Variants in UGT8 observed in about 807,000 individuals in gnomAD.
UGT8 encodes the protein 2-hydroxyacylsphingosine 1-beta-galactosyltransferase.
Under a neutral mutation model 40.5 loss-of-function variants are expected in UGT8, and 12 were observed. The ratio of observed to expected loss-of-function variants is 0.30; its 90% CI spans 0.19 to 0.48. The LOEUF (loss-of-function observed/expected upper bound fraction) is 0.48, where lower values mean the gene tolerates loss of function less well. Ranked by LOEUF, UGT8 falls within the 20% of genes least tolerant of loss-of-function variation. The probability of loss-of-function intolerance (pLI) is 0.99; values close to 1 mark genes in which losing one functional copy is unlikely to be tolerated. For synonymous variants in UGT8, 224 were observed against 240.4 expected, an observed-to-expected ratio of 0.93 and a Z score of 0.63; for missense variants, 513 against 648.7, an observed-to-expected ratio of 0.79 and a Z score of 2.27.
At chr4:114,671,030 A>T (rs531278046) in intron 5 of UGT8, among the ~76,000 whole-genome samples, 1 of 152,274 alleles carries the variant, frequency 6.6e-6, no homozygotes, top group Non-Finnish European at 1.5e-5. Flanking sequence ...GCAAGCAGAG[A>T]GCCAAATCGT....
intron 5 of UGT8, among the ~76,000 whole-genome samples, chr4:114,675,572 C>T (rs1489536128): frequency 6.6e-6 from 1 of 150,806 alleles, no homozygotes; most frequent in Non-Finnish European, 1.5e-5. Context: ...AACCCCGTCT[C>T]TACTAAAAAT....
At chr4:114,614,890 G>C (rs1393917068) in intron 1 of UGT8, among the ~76,000 whole-genome samples, 1 of 147,242 alleles carries the variant, frequency 6.8e-6, no homozygotes, top group African/African-American at 2.5e-5. Flanking sequence ...CCAACAACAG[G>C]TGGCCTCAAT....
At position 114,676,043 on chromosome 4, in the gene UGT8, C is replaced by T. The variant is rs774435490; in HGVS notation, c.1381C>T (p.Arg461Cys). 63 of 1,614,076 alleles carry T rather than the reference C, an allele frequency of 3.9e-5. No homozygotes were observed. In the Admixed American group the frequency reaches 7.5e-4, roughly 19 times the overall value. The change falls in exon 6 of 6, where the codon CGT (arginine) becomes TGT (cysteine). Residue 461 changes from arginine (R) to cysteine (C), a missense_variant. By Grantham distance (180) the Arg-to-Cys change is radical. Coordinates refer to ENST00000310836, the MANE Select transcript of UGT8 (RefSeq NM_001128174.3). Reference protein sequence around the residue: ...IIRHNGAHHLRAAVHQISFCQ... With the variant: ...IIRHNGAHHLCAAVHQISFCQ... Reference sequence around the variant, plus strand: ...TCGTCACAATGGAGCCCATCACCTACGTGCCGCTGTCCATCAGATCTCCTT... The same window carrying T: ...TCGTCACAATGGAGCCCATCACCTATGTGCCGCTGTCCATCAGATCTCCTT...
In UGT8 at chr4:114,668,116, T is replaced by C; in HGVS notation, c.1074T>C (p.His358=). The change falls in exon 5 of 6, where the codon CAT becomes CAC. Residue 358 remains histidine, a synonymous_variant. Coordinates refer to ENST00000310836, the MANE Select transcript of UGT8 (RefSeq NM_001128174.3). The part of the protein sequence containing the change: ...GHSKIKAFLS[H]GGLNSIFETI... ...CAAAGATTAAAGCCTTCCTGAGCCA[T>C]GGTGGTTTGAACAGTATTTTTGAAA... The C allele has an allele frequency of 6.2e-7, 1 of 1,613,612 alleles. No individual in the cohort carries two copies. Among genetic ancestry groups the C allele is most frequent in the Non-Finnish European group, 8.5e-7 (1 of 1,179,660 alleles).
intron 2 of UGT8, among the ~76,000 whole-genome samples, chr4:114,649,706 TCTTTAGCTGGG>T (rs906883868): frequency 6.6e-6 from 1 of 152,174 alleles, no homozygotes; most frequent in Admixed American, 6.5e-5. Context: ...GAAAATGTAG[TCTTTAGCTGGG>T]CTGCAGTATG....
intron 2 of UGT8, among the ~76,000 whole-genome samples, chr4:114,626,682 C>G (rs1490820296): frequency 6.6e-6 from 1 of 152,164 alleles, no homozygotes; most frequent in Non-Finnish European, 1.5e-5. Context: ...CACAGATAGT[C>G]TGTGGCAAAG....
At chr4:114,674,546 T>G (rs888213432) in intron 5 of UGT8, among the ~76,000 whole-genome samples, 1 of 152,220 alleles carries the variant, frequency 6.6e-6, no homozygotes, top group Non-Finnish European at 1.5e-5. Flanking sequence ...CTCCCTGATA[T>G]AATGGCTCTT....
intron 1 of UGT8, among the ~76,000 whole-genome samples, chr4:114,599,555 G>A (rs1010486794): frequency 4.3e-4 from 66 of 152,366 alleles, no homozygotes; most frequent in African/African-American, 1.5e-3. Context: ...GGGGCCCGCC[G>A]TTTCCGCGTG....
In UGT8 at chr4:114,623,095, G is replaced by C; in HGVS notation, c.215G>C (p.Arg72Pro). 1 of 1,614,100 alleles carries C rather than the reference G, an allele frequency of 6.2e-7. No homozygotes were observed. The highest frequency in any genetic ancestry group is 8.5e-7 in the Non-Finnish European group (1 of 1,180,008). The part of the protein sequence containing the change: ...IAPSNHYSLQ[R>P]YPGIFNSTTS... The stretch of plus-strand genomic sequence containing the variant: ...CCATCTAATCATTACAGCCTCCAGC[G>C]CTACCCAGGGATCTTTAACAGTACC... The change falls in exon 2 of 6, where the codon CGC (arginine) becomes CCC (proline). Residue 72 changes from arginine to proline, a missense_variant. Physicochemically the swap from Arg to Pro is moderately radical, Grantham distance 103. Coordinates refer to ENST00000310836, the MANE Select transcript of UGT8 (RefSeq NM_001128174.3).
intron 2 of UGT8, among the ~76,000 whole-genome samples, chr4:114,628,736 G>A (rs1200664276): frequency 2.5e-5 from 2 of 80,854 alleles, no homozygotes; most frequent in African/African-American, 3.3e-5. Context: ...AGGAAGCATA[G>A]TCTTGGGGAG....
At chr4:114,630,710 G>A (rs932278038) in intron 2 of UGT8, among the ~76,000 whole-genome samples, 6 of 151,792 alleles carry the variant, frequency 4.0e-5, no homozygotes, top group African/African-American at 1.2e-4. Context: ...TGTGAGATAC[G>A]TGGTTCTTAG....
At chr4:114,663,597 A>G (rs1225548617) in intron 2 of UGT8, 1 of 644,708 alleles carries the variant, frequency 1.6e-6, no homozygotes, top group East Asian at 1.4e-4. Context: ...TGTAAATGAT[A>G]CATTAACAAA....
rs370003303 is a variant in UGT8 at position 114,640,160 on chromosome 4, A to G, written c.822+16458A>G. 1.0e-3 allele frequency among the ~76,000 whole-genome samples: 153 copies of G among 151,552 alleles called. 2 individuals carry two copies. Among genetic ancestry groups the G allele is most frequent in the African/African-American group, 3.6e-3 (150 of 41,350 alleles). ...ATTCTCCTGCCTCAGCCTCCCGAGT[A>G]GCTGGGACTACAGGCGCCCGCCACC... On this transcript the variant is annotated intron_variant, in intron 2 of 5. Transcript: ENST00000310836.
chr4:114,643,698 G>A (rs1733370317), intron 2 of UGT8, among the ~76,000 whole-genome samples: 1 of 151,952 alleles, frequency 6.6e-6, no homozygotes. Context: ...TTTCTCAGGT[G>A]GTGGAAAAAC....
intron 5 of UGT8, among the ~76,000 whole-genome samples, chr4:114,670,430 CAAA>C (rs70964319): frequency 1.7e-5 from 1 of 57,330 alleles, no homozygotes; most frequent in Non-Finnish European, 2.6e-5. Context: ...GACTCTGTCT[CAAA>C]AAAAAAAAAA....
intron 1 of UGT8, chr4:114,619,381 T>TA (rs1228294824): frequency 2.0e-5 from 3 of 152,146 alleles, no homozygotes; most frequent in African/African-American, 7.2e-5. Flanking sequence ...AAGTATTTTT[T>TA]CATCATATGT....
At chr4:114,657,075 A>T (rs554441798) in intron 2 of UGT8, among the ~76,000 whole-genome samples, 1 of 151,930 alleles carries the variant, frequency 6.6e-6, no homozygotes, top group South Asian at 2.1e-4. Context: ...TCATTTCCGT[A>T]GTGATTTTTT....
chr4:114,623,784 T>G, intron 2 of UGT8, 82 bp downstream of exon 2: 5 of 1,448,442 alleles, frequency 3.5e-6, no homozygotes, highest in Non-Finnish European at 4.5e-6. Flanking sequence ...GATTTGTTAT[T>G]TATATATATT....
At chr4:114,635,757 G>C (rs543837202) in intron 2 of UGT8, among the ~76,000 whole-genome samples, 7 of 152,016 alleles carry the variant, frequency 4.6e-5, no homozygotes, top group African/African-American at 1.7e-4. Flanking sequence ...CTTCAAATGA[G>C]GCTTGTTTAC....
Sources: gnomAD v4.1 joint callset for allele counts (sites outside exome capture counted in the v4.1 genomes callset) on GRCh38, gnomAD v4.1.1 for gene constraint, MANE v1.5 for transcripts, NCBI Gene and HGNC (gene_info 2026-07-23, HGNC 2026-07-21) for gene names.